Variants in MYO6 observed in about 807,000 individuals in gnomAD.
MYO6 encodes myosin VI.
In MYO6, 74 loss-of-function variants were observed where a neutral mutation model predicts 178.7. That is an observed-to-expected ratio of 0.41 (90% confidence interval 0.34 to 0.50). The LOEUF (loss-of-function observed/expected upper bound fraction) is 0.50. Ranked by LOEUF, MYO6 falls within the 20% of genes least tolerant of loss-of-function variation. MYO6 has a pLI of 0.09. For synonymous variants in MYO6, 477 were observed against 504.6 expected (o/e 0.95, Z 0.73); for missense variants, 1,330 against 1,547.4 (o/e 0.86, Z 2.36).
intron 1 of MYO6, among the ~76,000 whole-genome samples, chr6:75,803,862 A>G (rs1428504657): frequency 6.6e-6 from 1 of 152,002 alleles, no homozygotes. Context: ...ATTAACTTGG[A>G]TATATTTTCT....
intron 29 of MYO6, among the ~76,000 whole-genome samples, chr6:75,895,610 C>T (rs1006736801): frequency 1.3e-5 from 2 of 151,250 alleles, no homozygotes; most frequent in East Asian, 1.9e-4. Flanking sequence ...CTCTGCCTCT[C>T]GGGTTCAAGC....
chr6:75,834,138 C>T (rs1244859703), intron 6 of MYO6, among the ~76,000 whole-genome samples: 1 of 152,148 alleles, frequency 6.6e-6, no homozygotes. Flanking sequence ...TTCTATTTCC[C>T]TATAGTCTGC....
At chr6:75,892,787 T>TA (rs1358406652) in intron 28 of MYO6, 97 bp downstream of exon 28, 4 of 1,283,246 alleles carry the variant, frequency 3.1e-6, no homozygotes, top group Non-Finnish European at 4.3e-6. Context: ...GAGAAAATAA[T>TA]ATTCTGAAGG....
chr6:75,866,982 C>G lies in MYO6; in HGVS notation c.1821C>G (p.Ser607=). The G allele has an allele frequency of 6.2e-7, 1 of 1,613,712 alleles. No homozygotes were observed. The change falls in exon 18 of 35, where the codon TCC becomes TCG. Residue 607 remains serine (S), a synonymous_variant. Transcript: ENST00000369977. ...NNDALHMSLE[S]LICESRDKFI... ...ATGCTTTACATATGTCTCTTGAATC[C>G]TTAATATGTGAATCCAGAGATAAGT... is the stretch of plus-strand genomic sequence containing the variant.
intron 29 of MYO6, among the ~76,000 whole-genome samples, chr6:75,895,588 G>A (rs1263193238): frequency 1.3e-5 from 2 of 151,346 alleles, no homozygotes; most frequent in South Asian, 2.1e-4. Context: ...TGTCATCTGG[G>A]GTCACCATAA....
intron 1 of MYO6, among the ~76,000 whole-genome samples, chr6:75,804,895 T>C (rs1769856862): frequency 6.7e-6 from 1 of 148,268 alleles, no homozygotes; most frequent in African/African-American, 2.5e-5. Context: ...CACACACATA[T>C]ATATACATAT....
intron 1 of MYO6, among the ~76,000 whole-genome samples, chr6:75,793,328 A>G (rs6903077): frequency 0.32 from 48,495 of 152,026 alleles, 12,243 homozygotes; most frequent in African/African-American, 0.69. Flanking sequence ...AAATGGGCTG[A>G]GTGTGGTGGC....
At chr6:75,823,852 G>A (rs1379030175) in intron 3 of MYO6, among the ~76,000 whole-genome samples, 1 of 152,184 alleles carries the variant, frequency 6.6e-6, no homozygotes, top group African/African-American at 2.4e-5. Context: ...TGTATGATTA[G>A]AGATGATATA....
rs138673579 is a variant in MYO6, at chr6:75,888,258, A to T, written c.2658+1264A>T. On this transcript the variant is annotated intron_variant, in intron 25 of 34. Transcript: ENST00000369977. ...GATTGTGCCACTGCACTCCTGCCTC[A>T]GCGACAGAGTGAGACTACGTCTAAA... Among the ~76,000 whole-genome samples the T allele has an allele frequency of 1.4e-3, 207 of 152,166 alleles. 1 individual carries two copies. Among genetic ancestry groups the T allele is most frequent in the African/African-American group, 4.7e-3 (194 of 41,528 alleles).
At chr6:75,907,528 C>A (rs1173254610) in intron 30 of MYO6, 77 bp from the exon 31 acceptor site, 3 of 1,143,650 alleles carry the variant, frequency 2.6e-6, no homozygotes, top group African/African-American at 3.1e-5. Context: ...CAAACTTATG[C>A]ATGCTTTCTT....
In MYO6 at chr6:75,790,480, C is replaced by G. The variant is rs539137615; in HGVS notation, c.-47-27021C>G. On this transcript the variant is annotated intron_variant, in intron 1 of 34. Transcript: ENST00000369977. ...CACTGCAACCTCCGCCTCGTGGGTT[C>G]AAGCAATTCTCTTGCCTCTGCCTCC... Among the ~76,000 whole-genome samples, 52 of 151,698 alleles carry G rather than the reference C, an allele frequency of 3.4e-4. 2 individuals carry two copies. The South Asian group carries it at 0.01, about 30-fold the overall frequency.
chr6:75,895,521 T>C lies in MYO6; in HGVS notation c.3137+261T>C, dbSNP rs187106829. Among the ~76,000 whole-genome samples, 24 of 151,020 alleles carry C rather than the reference T, an allele frequency of 1.6e-4. 1 individual carries two copies. In the East Asian group the frequency reaches 4.6e-3, roughly 29 times the overall value. On this transcript the variant is annotated intron_variant, in intron 29 of 34. Transcript: ENST00000369977. Reference sequence around the variant, plus strand: ...TTTGTTTTATGTATATATATGAATTTTTTTTTTTTTTTTGAGACAGAGTTT... The same window carrying C: ...TTTGTTTTATGTATATATATGAATTCTTTTTTTTTTTTTGAGACAGAGTTT...
At chr6:75,857,294 ATT>A (rs1775802999) in intron 13 of MYO6, 40 bp downstream of exon 13, 2 of 1,574,986 alleles carry the variant, frequency 1.3e-6, no homozygotes, top group African/African-American at 2.7e-5. Context: ...TTTGTTTCAT[ATT>A]TTTTCACACA....
At chr6:75,780,969 C>T (rs941557912) in intron 1 of MYO6, among the ~76,000 whole-genome samples, 1 of 151,962 alleles carries the variant, frequency 6.6e-6, no homozygotes, top group Non-Finnish European at 1.5e-5. Context: ...CACACCACCA[C>T]ACCTGGCTAA....
chr6:75,867,000 A>G lies in MYO6; in HGVS notation c.1839A>G (p.Arg613=). 6.2e-7 allele frequency: 1 copy of G among 1,613,830 alleles called. No individual in the cohort carries two copies. The highest frequency in any genetic ancestry group is 8.5e-7 in the Non-Finnish European group (1 of 1,179,740). The change falls in exon 18 of 35, where the codon AGA becomes AGG. Residue 613 remains arginine, a synonymous_variant. Coordinates refer to ENST00000369977, the MANE Select transcript of MYO6 (RefSeq NM_004999.4). Reference sequence around the variant, plus strand: ...TTGAATCCTTAATATGTGAATCCAGAGATAAGTTTATACGGGAATTATTTG... The same window carrying G: ...TTGAATCCTTAATATGTGAATCCAGGGATAAGTTTATACGGGAATTATTTG... ...MSLESLICES[R]DKFIRELFES...
At chr6:75,798,376 C>T (rs868749212) in intron 1 of MYO6, among the ~76,000 whole-genome samples, 21 of 152,156 alleles carry the variant, frequency 1.4e-4, no homozygotes, top group Non-Finnish European at 3.1e-4. Context: ...GTTTTGGTTA[C>T]TGTAGCCTTC....
At chr6:75,832,995 T>A (rs536780188) in intron 6 of MYO6, 48 bp downstream of exon 6, 2 of 1,346,092 alleles carry the variant, frequency 1.5e-6, no homozygotes, top group Non-Finnish European at 1.1e-6. Context: ...GATCTTTTTT[T>A]TCCCCCCTTG....
intron 1 of MYO6, among the ~76,000 whole-genome samples, chr6:75,815,390 T>C (rs1262600965): frequency 1.3e-5 from 2 of 152,158 alleles, no homozygotes; most frequent in African/African-American, 2.4e-5. Context: ...TTAGATACAT[T>C]CATGAAGAGG....
At chr6:75,893,535 A>T (rs1779067788) in intron 28 of MYO6, among the ~76,000 whole-genome samples, 1 of 152,172 alleles carries the variant, frequency 6.6e-6, no homozygotes, top group Non-Finnish European at 1.5e-5. Flanking sequence ...TTGTGAAAGG[A>T]TCAAACTGCA....
Sources: gnomAD v4.1 joint callset for allele counts (sites outside exome capture counted in the v4.1 genomes callset) on GRCh38, gnomAD v4.1.1 for gene constraint, MANE v1.5 for transcripts, NCBI Gene and HGNC (gene_info 2026-07-23, HGNC 2026-07-21) for gene names.